The following PLSCR4 variants were observed in gnomAD, a reference collection of about 807,000 sequenced individuals.
PLSCR4 encodes Ca(2+)-dependent phospholipid scramblase 4.
In PLSCR4, 25 loss-of-function variants were observed where a neutral mutation model predicts 36.3. That is an observed-to-expected ratio of 0.69 (90% confidence interval 0.50 to 0.96). The LOEUF is 0.96. Among genes scored for constraint, PLSCR4 ranks in the 40% least tolerant of loss-of-function variants. The pLI, the probability that PLSCR4 is intolerant of heterozygous loss-of-function variation, is 0.00. For synonymous variants in PLSCR4, 122 were observed against 132.9 expected (o/e 0.92, Z 0.56); for missense variants, 408 against 414.7 (o/e 0.98, Z 0.14).
chr3:146,233,353 T>C (rs1009940542), intron 1 of PLSCR4, among the ~76,000 whole-genome samples: 2 of 152,116 alleles, frequency 1.3e-5, no homozygotes, highest in Non-Finnish European at 2.9e-5. Flanking sequence ...CTAGAAAAGG[T>C]AGGTAAAACA....
chr3:146,226,426 A>T (rs2108308558), intron 1 of PLSCR4, among the ~76,000 whole-genome samples: 1 of 152,332 alleles, frequency 6.6e-6, no homozygotes, highest in South Asian at 2.1e-4. Flanking sequence ...ATTACAACAG[A>T]TTATTTAATG....
chr3:146,224,178 G>C (rs2035323380), intron 1 of PLSCR4, among the ~76,000 whole-genome samples: 2 of 151,932 alleles, frequency 1.3e-5, no homozygotes, highest in African/African-American at 4.8e-5. Flanking sequence ...GAATGTTCTT[G>C]ATAACACTAT....
At chr3:146,245,368 C>T (rs2036296259) in intron 1 of PLSCR4, among the ~76,000 whole-genome samples, 1 of 151,976 alleles carries the variant, frequency 6.6e-6, no homozygotes, top group African/African-American at 2.4e-5. Context: ...TCTATTTTTT[C>T]TCAAATCTCA....
intron 1 of PLSCR4, among the ~76,000 whole-genome samples, chr3:146,247,140 T>G (rs940729805): frequency 2.0e-5 from 3 of 152,194 alleles, no homozygotes; most frequent in Non-Finnish European, 4.4e-5. Flanking sequence ...TGTATTTAAC[T>G]GGCTGCCTAA....
chr3:146,207,646 C>T (rs1348434082), intron 3 of PLSCR4, among the ~76,000 whole-genome samples: 1 of 152,016 alleles, frequency 6.6e-6, no homozygotes, highest in Non-Finnish European at 1.5e-5. Context: ...CTCTGAAAGG[C>T]CCCACTTCCA....
chr3:146,204,404 T>C (rs753041387), intron 4 of PLSCR4, among the ~76,000 whole-genome samples: 7 of 151,982 alleles, frequency 4.6e-5, no homozygotes, highest in Non-Finnish European at 8.8e-5. Context: ...ATTAGGCACA[T>C]TGTGACCCTT....
intron 1 of PLSCR4, among the ~76,000 whole-genome samples, chr3:146,227,507 A>G (rs554978935): frequency 6.6e-6 from 1 of 152,318 alleles, no homozygotes; most frequent in African/African-American, 2.4e-5. Flanking sequence ...AAGCTTTTCA[A>G]TTTCACCACT....
rs1351708240 is a variant in PLSCR4 at position 146,193,194 on chromosome 3, A to G, written c.*1217T>C. ...ATTGATAATTTATTATTGGTCCTAC[A>G]TATTATTTACTGGCATGCTGTAGAC... On this transcript the variant is annotated 3_prime_UTR_variant, in exon 9 of 9. Transcript: ENST00000354952. 6.6e-6 allele frequency: 1 copy of G among 152,206 alleles called. No individual in the cohort carries two copies. The highest frequency in any genetic ancestry group is 1.9e-4 in the East Asian group (1 of 5,194). The allele number at this position is 152,206 out of a possible 1,614,324, so 9.4% of individuals were successfully genotyped here. A position where few individuals can be genotyped will look rare whatever the true frequency, so the allele number is the denominator to read the frequency against.
chr3:146,200,946 T>C (rs1483332776), intron 5 of PLSCR4, 89 bp downstream of exon 5: 8 of 797,554 alleles, frequency 1.0e-5, no homozygotes, highest in Non-Finnish European at 2.0e-6. Context: ...CACTAAAACA[T>C]GATCAATATA....
chr3:146,208,889 G>A (rs1043524303), intron 3 of PLSCR4, among the ~76,000 whole-genome samples: 1 of 152,096 alleles, frequency 6.6e-6, no homozygotes, highest in African/African-American at 2.4e-5. Context: ...ACTACCATTT[G>A]ATCCAGCAAT....
intron 1 of PLSCR4, among the ~76,000 whole-genome samples, chr3:146,227,164 T>A (rs2035513629): frequency 6.6e-6 from 1 of 152,200 alleles, no homozygotes; most frequent in African/African-American, 2.4e-5. Flanking sequence ...AATTGATTTT[T>A]GGCTTCATAT....
rs76578208 is a variant in PLSCR4 at position 146,206,489 on chromosome 3, A to G, written c.354+37T>C. 2.7e-3 allele frequency: 3,995 copies of G among 1,488,098 alleles called. 91 individuals are homozygous for G. In the African/African-American group the frequency reaches 0.049, roughly 18 times the overall value. The allele number at this position is 1,488,098 out of a possible 1,614,324, so 92.2% of individuals were successfully genotyped here. A position where few individuals can be genotyped will look rare whatever the true frequency, so the allele number is the denominator to read the frequency against. On this transcript the variant is annotated intron_variant, in intron 4 of 8. Transcript: ENST00000354952. Reference sequence around the variant, plus strand: ...CTCTTTGTTGGATCCCTATGGTCACATTTCATAAGAAAATAATTTGTATTT... The same window carrying G: ...CTCTTTGTTGGATCCCTATGGTCACGTTTCATAAGAAAATAATTTGTATTT...
At chr3:146,238,915 A>C (rs1367951973) in intron 1 of PLSCR4, among the ~76,000 whole-genome samples, 1 of 152,192 alleles carries the variant, frequency 6.6e-6, no homozygotes. Context: ...TCATCAATGC[A>C]GCAGGATACA....
chr3:146,196,848 ACACATACG>A, intron 6 of PLSCR4, 55 bp from the exon 7 acceptor site: 1 of 1,441,930 alleles, frequency 6.9e-7, no homozygotes, highest in Non-Finnish European at 9.7e-7. Flanking sequence ...ACATACACTT[ACACATACG>A]CACATACACA....
intron 4 of PLSCR4, among the ~76,000 whole-genome samples, chr3:146,204,367 A>G (rs1389429089): frequency 6.6e-6 from 1 of 151,976 alleles, no homozygotes; most frequent in Non-Finnish European, 1.5e-5. Context: ...GCTTTCATCC[A>G]TTGGGACGGC....
Position 146,221,049 on chromosome 3 carries a change from T to G in PLSCR4, c.8-124A>C. 5.3e-6 allele frequency: 3 copies of G among 562,608 alleles called. 1 individual carries two copies. The South Asian group carries it at 8.7e-5, about 16-fold the overall frequency. The allele number at this position is 562,608 out of a possible 1,614,324, so 34.9% of individuals were successfully genotyped here. A position where few individuals can be genotyped will look rare whatever the true frequency, so the allele number is the denominator to read the frequency against. ...TAATCAACTGGAAAATACACTCCTATATTTTTTAAAGAAAGAATTCATCAT... is the reference window on the plus strand; with the variant it reads ...TAATCAACTGGAAAATACACTCCTAGATTTTTTAAAGAAAGAATTCATCAT... On this transcript the variant is annotated intron_variant, in intron 2 of 8. Transcript: ENST00000354952.
intron 1 of PLSCR4, among the ~76,000 whole-genome samples, chr3:146,237,056 AAAG>A (rs2035948978): frequency 6.7e-6 from 1 of 148,474 alleles, no homozygotes; most frequent in African/African-American, 2.6e-5. Flanking sequence ...AAAAGAAAAA[AAAG>A]AGAGAAAACA....
Position 146,220,891 on chromosome 3 carries a change from A to C in PLSCR4, c.42T>G (p.Gly14=). 6.2e-7 allele frequency: 1 copy of C among 1,613,630 alleles called. No homozygotes were observed. Among genetic ancestry groups the C allele is most frequent in the South Asian group, 1.1e-5 (1 of 91,030 alleles). The change falls in exon 3 of 9, where the codon GGT becomes GGG. Residue 14 remains glycine (G), a synonymous_variant. Coordinates refer to ENST00000354952, the MANE Select transcript of PLSCR4 (RefSeq NM_020353.3). ...GTGGTTTTGTTTGATTTTCCATTTCACCTGCAGGCTGTTCAGGGGCTGTGG... is the reference window on the plus strand; with the variant it reads ...GTGGTTTTGTTTGATTTTCCATTTCCCCTGCAGGCTGTTCAGGGGCTGTGG... The part of the protein sequence containing the change: ...VVPTAPEQPA[G]EMENQTKPPD...
At chr3:146,212,004 CA>C (rs1287456560) in intron 3 of PLSCR4, among the ~76,000 whole-genome samples, 2 of 151,906 alleles carry the variant, frequency 1.3e-5, no homozygotes, top group East Asian at 3.9e-4. Context: ...AATTTTTTTT[CA>C]AGATTGTTTA....
Sources: allele counts gnomAD v4.1 joint callset (sites outside exome capture counted in the v4.1 genomes callset), GRCh38; gene constraint gnomAD v4.1.1; transcripts MANE v1.5; gene names NCBI Gene and HGNC (gene_info 2026-07-23, HGNC 2026-07-21).